INPP4B: variants seen among roughly 807,000 people sequenced by gnomAD.
The protein encoded by INPP4B is inositol polyphosphate 4-phosphatase type II.
A neutral mutation model predicts 122.5 loss-of-function variants in INPP4B; 55 were observed. That is an observed-to-expected ratio of 0.45 (90% CI 0.36 to 0.56). The LOEUF (loss-of-function observed/expected upper bound fraction) is 0.56. Among genes scored for constraint, INPP4B ranks in the 20% least tolerant of loss-of-function variants. The pLI is 0.00. For synonymous variants in INPP4B, 403 were observed against 388.7 expected, an observed-to-expected ratio of 1.04 and a Z score of -0.43; for missense variants, 1,000 against 1,097.7, an observed-to-expected ratio of 0.91 and a Z score of 1.26.
At chr4:142,374,172 C>A (rs1195397902) in intron 7 of INPP4B, among the ~76,000 whole-genome samples, 1 of 151,804 alleles carries the variant, frequency 6.6e-6, no homozygotes, top group African/African-American at 2.4e-5. Flanking sequence ...CTTATTATTC[C>A]CCATTTTATT....
chr4:142,569,731 A>T (rs938878530), intron 2 of INPP4B, among the ~76,000 whole-genome samples: 1 of 152,180 alleles, frequency 6.6e-6, no homozygotes, highest in Non-Finnish European at 1.5e-5. Context: ...TCGCATTCTG[A>T]TAGCTCATTG....
chr4:142,195,035 A>C (rs1041664808), intron 14 of INPP4B, among the ~76,000 whole-genome samples: 1 of 152,254 alleles, frequency 6.6e-6, no homozygotes, highest in African/African-American at 2.4e-5. Flanking sequence ...AATGCAACAA[A>C]ATATGCGGCA....
chr4:142,159,261 G>GA (rs5862573), intron 17 of INPP4B, among the ~76,000 whole-genome samples: 145,168 of 147,754 alleles, frequency 0.98, 71,325 homozygotes, highest in Non-Finnish European at 1. Context: ...TTGGAACTGT[G>GA]AAAAAAAAAA....
At chr4:142,205,301 C>G (rs1440940863) in intron 14 of INPP4B, among the ~76,000 whole-genome samples, 1 of 152,112 alleles carries the variant, frequency 6.6e-6, no homozygotes, top group African/African-American at 2.4e-5. Flanking sequence ...TGGCCCCAAA[C>G]AAATCTATCT....
At chr4:142,056,741 A>G (rs1757918356) in intron 25 of INPP4B, among the ~76,000 whole-genome samples, 1 of 152,166 alleles carries the variant, frequency 6.6e-6, no homozygotes, top group Non-Finnish European at 1.5e-5. Context: ...AAGTGCTAAA[A>G]TGGAAAATCT....
At position 142,123,380 on chromosome 4, in the gene INPP4B, T is replaced by C; in HGVS notation, c.1929A>G (p.Leu643=). ...AGCCTGGGTCATACAGACTTGTCTG[T>C]AATTTGATGATAAAACCACAAACCA... The part of the protein sequence containing the change: ...AGLVCGFIIK[L]QTSLYDPGFL... Residue 643 remains leucine, a synonymous_variant, in exon 20 of 26, where the codon TTA becomes TTG. Transcript: ENST00000262992. 1 of 1,613,048 alleles carries C rather than the reference T, an allele frequency of 6.2e-7. No homozygotes were observed. Among genetic ancestry groups the C allele is most frequent in the Non-Finnish European group, 8.5e-7 (1 of 1,179,412 alleles).
intron 2 of INPP4B, among the ~76,000 whole-genome samples, chr4:142,663,306 T>A (rs2150594016): frequency 6.6e-6 from 1 of 152,278 alleles, no homozygotes. Flanking sequence ...GAGAAGCAAA[T>A]CAGTATCATT....
intron 2 of INPP4B, among the ~76,000 whole-genome samples, chr4:142,537,423 TATATATAGAG>T (rs1484552008): frequency 0.016 from 743 of 47,874 alleles, 2 homozygotes; most frequent in Middle Eastern, 0.045. Context: ...TATATATATA[TATATATAGAG>T]AGAGAGAGAG....
intron 3 of INPP4B, among the ~76,000 whole-genome samples, chr4:142,433,737 C>G (rs1204501886): frequency 6.6e-6 from 1 of 152,164 alleles, no homozygotes; most frequent in Non-Finnish European, 1.5e-5. Context: ...ATAGGTAAAT[C>G]AAATAGCATC....
intron 17 of INPP4B, among the ~76,000 whole-genome samples, chr4:142,156,343 A>C (rs1817197674): frequency 6.6e-6 from 1 of 152,106 alleles, no homozygotes. Context: ...GAAACCACAA[A>C]AACTAGGTCA....
intron 7 of INPP4B, among the ~76,000 whole-genome samples, chr4:142,341,808 C>A (rs999979261): frequency 3.3e-5 from 5 of 152,174 alleles, no homozygotes; most frequent in African/African-American, 1.2e-4. Flanking sequence ...CAGGTGGCCT[C>A]CAGGATCTGA....
At chr4:142,589,396 C>G (rs1736939693) in intron 2 of INPP4B, among the ~76,000 whole-genome samples, 1 of 152,008 alleles carries the variant, frequency 6.6e-6, no homozygotes, top group Admixed American at 6.6e-5. Flanking sequence ...GAACACATAT[C>G]TGACTTATAT....
At chr4:142,372,639 C>T (rs1790346058) in intron 7 of INPP4B, among the ~76,000 whole-genome samples, 1 of 152,044 alleles carries the variant, frequency 6.6e-6, no homozygotes, top group Non-Finnish European at 1.5e-5. Flanking sequence ...GCACATCTCT[C>T]TTCCCAAGGT....
intron 7 of INPP4B, among the ~76,000 whole-genome samples, chr4:142,371,889 A>C (rs1790060950): frequency 6.6e-6 from 1 of 151,982 alleles, no homozygotes; most frequent in Non-Finnish European, 1.5e-5. Context: ...CAAAAAAAAA[A>C]AAACTAAAAA....
chr4:142,386,768 C>T (rs556944342), intron 7 of INPP4B, among the ~76,000 whole-genome samples: 1 of 152,262 alleles, frequency 6.6e-6, no homozygotes, highest in African/African-American at 2.4e-5. Context: ...CTGCCCGAAT[C>T]GTAAATCATT....
chr4:142,681,421 CA>C (rs1758600033), intron 2 of INPP4B, among the ~76,000 whole-genome samples: 1 of 151,808 alleles, frequency 6.6e-6, no homozygotes, highest in Non-Finnish European at 1.5e-5. Context: ...CCCACTGAAC[CA>C]AACTAGACTT....
At chr4:142,085,164 C>T (rs1776148074) in intron 24 of INPP4B, among the ~76,000 whole-genome samples, 1 of 152,172 alleles carries the variant, frequency 6.6e-6, no homozygotes, top group African/African-American at 2.4e-5. Flanking sequence ...CTTTCCTCTG[C>T]CTTGCTTTTG....
chr4:142,174,591 A>G (rs1234812259), intron 15 of INPP4B, among the ~76,000 whole-genome samples: 2 of 151,532 alleles, frequency 1.3e-5, no homozygotes, highest in Admixed American at 6.6e-5. Flanking sequence ...TAACATACAA[A>G]GAAATCTAAA....
chr4:142,380,183 T>A (rs973374055), intron 7 of INPP4B, among the ~76,000 whole-genome samples: 3 of 152,212 alleles, frequency 2.0e-5, no homozygotes, highest in African/African-American at 7.2e-5. Flanking sequence ...GTTTACTGAC[T>A]AAAACATAGC....
Sources: gnomAD v4.1 joint callset for allele counts (sites outside exome capture counted in the v4.1 genomes callset) on GRCh38, gnomAD v4.1.1 for gene constraint, MANE v1.5 for transcripts, NCBI Gene and HGNC (gene_info 2026-07-23, HGNC 2026-07-21) for gene names.